MACROD2: variants seen among roughly 807,000 people sequenced by gnomAD.
MACROD2 encodes the protein ADP-ribose glycohydrolase MACROD2.
In MACROD2, 36 loss-of-function variants were observed where a neutral mutation model predicts 70.4. The ratio of observed to expected loss-of-function variants is 0.51; its 90% confidence interval spans 0.39 to 0.68. The LOEUF (loss-of-function observed/expected upper bound fraction) is 0.68. MACROD2 is among the 30% of genes least tolerant of loss of function. The pLI, the probability that MACROD2 is intolerant of heterozygous loss-of-function variation, is 0.00. For missense variants in MACROD2, 496 were observed against 538.4 expected, an observed-to-expected ratio of 0.92 and a Z score of 0.78; for synonymous variants, 172 against 178.8, an observed-to-expected ratio of 0.96 and a Z score of 0.30.
chr20:14,834,451 G>C (rs911181315), intron 5 of MACROD2, among the ~76,000 whole-genome samples: 1 of 151,898 alleles, frequency 6.6e-6, no homozygotes, highest in African/African-American at 2.4e-5. Context: ...GTGAAAGATT[G>C]ATCCGTAGTG....
intron 3 of MACROD2, among the ~76,000 whole-genome samples, chr20:14,304,550 G>A (rs531635562): frequency 6.6e-6 from 1 of 152,294 alleles, no homozygotes; most frequent in East Asian, 1.9e-4. Flanking sequence ...ATACATTGAT[G>A]AATTCCACTT....
chr20:15,352,675 T>C (rs1375422868), intron 6 of MACROD2, among the ~76,000 whole-genome samples: 1 of 152,190 alleles, frequency 6.6e-6, no homozygotes, highest in Non-Finnish European at 1.5e-5. Context: ...AAAATCAATG[T>C]GCAAAAATCA....
At chr20:15,290,203 G>A (rs535128797) in intron 6 of MACROD2, among the ~76,000 whole-genome samples, 14 of 152,272 alleles carry the variant, frequency 9.2e-5, no homozygotes, top group African/African-American at 3.1e-4. Flanking sequence ...ATCTCTGGTT[G>A]CTTTTGATTC....
chr20:14,789,460 A>ATTTTTTTTTTTTT lies in MACROD2; in HGVS notation c.418+104521_418+104533dup, dbSNP rs3045609. On this transcript the variant is annotated intron_variant, in intron 5 of 17. Transcript: ENST00000684519. ...CTTGTGGATTAATCAGGTAGTGCAA[A>ATTTTTTTTTTTTT]TTTTTTTTTTTTTTTTTTTTTTTTT... Among the ~76,000 whole-genome samples the ATTTTTTTTTTTTT allele has an allele frequency of 4.7e-3, 226 of 48,344 alleles. 41 individuals carry two copies. Among genetic ancestry groups the ATTTTTTTTTTTTT allele is most frequent in the Non-Finnish European group, 5.8e-3 (160 of 27,700 alleles). The allele number at this position is 48,344 out of a possible 152,430, so 31.7% of individuals were successfully genotyped here. A position where few individuals can be genotyped will look rare whatever the true frequency, so the allele number is the denominator to read the frequency against.
intron 8 of MACROD2, among the ~76,000 whole-genome samples, chr20:15,513,530 G>A (rs1056366037): frequency 5.3e-5 from 8 of 152,154 alleles, no homozygotes; most frequent in Non-Finnish European, 1.2e-4. Context: ...AGTGAAACAT[G>A]AAATATCTTC....
At position 15,917,585 on chromosome 20, in the gene MACROD2, T is replaced by C. The variant is rs543654821; in HGVS notation, c.776-15691T>C. Among the ~76,000 whole-genome samples, 3 of 152,318 alleles carry C rather than the reference T, an allele frequency of 2.0e-5. 1 individual carries two copies. The South Asian group carries it at 6.2e-4, about 32-fold the overall frequency. On this transcript the variant is annotated intron_variant, in intron 10 of 17. Transcript: ENST00000684519. ...ATCCAGTTTCATACTTTGGCTTTTA[T>C]GTCTTTGCTGTTTTCTAGAACGTCA... is the stretch of plus-strand genomic sequence containing the variant.
At chr20:14,601,386 C>T (rs913930311) in intron 4 of MACROD2, among the ~76,000 whole-genome samples, 3 of 152,194 alleles carry the variant, frequency 2.0e-5, no homozygotes, top group African/African-American at 4.8e-5. Flanking sequence ...TGACAGGAGG[C>T]GGTGCTCAGG....
At chr20:15,768,990 A>T (rs2147012371) in intron 8 of MACROD2, among the ~76,000 whole-genome samples, 1 of 152,346 alleles carries the variant, frequency 6.6e-6, no homozygotes, top group East Asian at 1.9e-4. Context: ...AGCTCCTGTG[A>T]TAATGATACC....
intron 3 of MACROD2, among the ~76,000 whole-genome samples, chr20:14,239,492 T>C (rs1489813150): frequency 6.6e-6 from 1 of 152,170 alleles, no homozygotes; most frequent in Non-Finnish European, 1.5e-5. Flanking sequence ...CTGGAGTAAC[T>C]GAAACGGCAT....
intron 5 of MACROD2, among the ~76,000 whole-genome samples, chr20:14,765,711 T>G (rs1417175801): frequency 1.3e-5 from 2 of 152,166 alleles, no homozygotes; most frequent in East Asian, 3.9e-4. Flanking sequence ...AATAAAATCT[T>G]TAAAATAAAT....
chr20:15,637,046 A>G (rs2049381138), intron 8 of MACROD2, among the ~76,000 whole-genome samples: 1 of 152,210 alleles, frequency 6.6e-6, no homozygotes, highest in Non-Finnish European at 1.5e-5. Flanking sequence ...ATTCAGCTCC[A>G]TAAAAGAGTG....
intron 3 of MACROD2, among the ~76,000 whole-genome samples, chr20:14,483,760 G>T (rs1159586018): frequency 6.6e-6 from 1 of 152,148 alleles, no homozygotes; most frequent in Non-Finnish European, 1.5e-5. Flanking sequence ...AAATTTTCAA[G>T]AAATTTAATT....
At chr20:14,445,128 ACAG>A (rs1253999183) in intron 3 of MACROD2, among the ~76,000 whole-genome samples, 2 of 152,010 alleles carry the variant, frequency 1.3e-5, no homozygotes, top group Admixed American at 1.3e-4. Context: ...ACCTGGGTAA[ACAG>A]CCTCCTATTA....
intron 6 of MACROD2, among the ~76,000 whole-genome samples, chr20:15,270,184 A>C (rs911463516): frequency 2.1e-4 from 31 of 147,632 alleles, no homozygotes; most frequent in East Asian, 1.4e-3. Flanking sequence ...GCTGTACACA[A>C]GTGTTTTCGG....
chr20:14,626,237 A>G (rs1440806085), intron 4 of MACROD2, among the ~76,000 whole-genome samples: 4 of 152,190 alleles, frequency 2.6e-5, no homozygotes, highest in Admixed American at 6.5e-5. Context: ...GCTATCACAT[A>G]TCATACTTCC....
chr20:15,355,952 T>C (rs115287783), intron 6 of MACROD2, among the ~76,000 whole-genome samples: 83 of 152,338 alleles, frequency 5.4e-4, no homozygotes, highest in African/African-American at 2.0e-3. Flanking sequence ...TTCTAACCTT[T>C]CCAAGCTCTA....
At chr20:14,928,797 T>TC (rs1457785011) in intron 5 of MACROD2, among the ~76,000 whole-genome samples, 2 of 152,180 alleles carry the variant, frequency 1.3e-5, no homozygotes, top group Non-Finnish European at 2.9e-5. Context: ...CTAGAAGGTG[T>TC]CCATTTTGTT....
rs370567280 is a variant in MACROD2 at position 14,439,125 on chromosome 20, T to A, written c.272-54354T>A. On this transcript the variant is annotated intron_variant, in intron 3 of 17. Transcript: ENST00000684519. ...AATTTTATTATTTCGCATGTGGAAA[T>A]CAAGTTTTTGTAGCACTATTTGTTG... Among the ~76,000 whole-genome samples, 75 of 152,314 alleles carry A rather than the reference T, an allele frequency of 4.9e-4. 1 individual carries two copies. Among genetic ancestry groups the A allele is most frequent in the African/African-American group, 1.7e-3 (69 of 41,564 alleles).
At chr20:15,790,638 G>T (rs936482792) in intron 8 of MACROD2, among the ~76,000 whole-genome samples, 1 of 151,806 alleles carries the variant, frequency 6.6e-6, no homozygotes, top group African/African-American at 2.4e-5. Context: ...ACCAAAGGAG[G>T]AGCCCCTGCT....
Sources: gnomAD v4.1 joint callset for allele counts (sites outside exome capture counted in the v4.1 genomes callset) on GRCh38, gnomAD v4.1.1 for gene constraint, MANE v1.5 for transcripts, NCBI Gene and HGNC (gene_info 2026-07-23, HGNC 2026-07-21) for gene names.